The following CIT variants were observed in gnomAD, a reference collection of about 807,000 sequenced individuals.
The protein encoded by CIT is citron rho-interacting serine/threonine kinase.
CIT carries 79 observed loss-of-function variants against 272.7 expected under a neutral mutation model. The ratio of observed to expected loss-of-function variants is 0.29; its 90% CI spans 0.24 to 0.35. CIT has a LOEUF of 0.35. Among genes scored for constraint, CIT ranks in the 10% least tolerant of loss-of-function variants. CIT has a pLI of 1.00. For synonymous variants in CIT, 948 were observed against 995.6 expected (o/e 0.95, Z 0.90); for missense variants, 1,909 against 2,618.3 (o/e 0.73, Z 5.91).
rs1244056304 is a variant in CIT at position 119,710,022 on chromosome 12, G to C, written c.5071+229C>G. On this transcript the variant is annotated intron_variant, in intron 39 of 47. Coordinates refer to ENST00000392521, the MANE Select transcript of CIT (RefSeq NM_001206999.2). The surrounding 1 kb of genome is among the most constrained non-coding windows in gnomAD (Gnocchi z 5.6). ...TTAGCACTCTTCACTTGGCCTAACA[G>C]TGGGATGTTCTTTGGGAATGTCAGA... is the stretch of plus-strand genomic sequence containing the variant. 4.6e-5 allele frequency among the ~76,000 whole-genome samples: 7 copies of C among 152,156 alleles called. No homozygotes were observed.
At chr12:119,729,472 T>C (rs1315191576) in intron 27 of CIT, among the ~76,000 whole-genome samples, 1 of 152,222 alleles carries the variant, frequency 6.6e-6, no homozygotes, top group Non-Finnish European at 1.5e-5. Context: ...GGTACTTCCA[T>C]GCAATTTATT....
At position 119,713,360 on chromosome 12, in the gene CIT, G is replaced by A. The variant is rs985819534; in HGVS notation, c.4488-66C>T. On this transcript the variant is annotated intron_variant, in intron 34 of 47. Transcript: ENST00000392521. This position sits in a 1 kb window ranked among gnomAD's most constrained non-coding sequence, Gnocchi z 5.2. ...GAAGAAACATCCGGCTGGAGGATAGGATGAGGGGGTGGCAGAGTTCCTAGA... is the reference window on the plus strand; with the variant it reads ...GAAGAAACATCCGGCTGGAGGATAGAATGAGGGGGTGGCAGAGTTCCTAGA... 2 of 1,583,770 alleles carry A rather than the reference G, an allele frequency of 1.3e-6. No homozygotes were observed. Among genetic ancestry groups the A allele is most frequent in the Non-Finnish European group, 1.7e-6 (2 of 1,154,756 alleles).
chr12:119,702,265 C>T (rs556839731), intron 41 of CIT, among the ~76,000 whole-genome samples: 12 of 152,272 alleles, frequency 7.9e-5, no homozygotes, highest in Admixed American at 2.6e-4. Flanking sequence ...CCACTGCACA[C>T]GCCCCATTCA....
At chr12:119,800,349 C>G (rs1966087338) in intron 10 of CIT, among the ~76,000 whole-genome samples, 1 of 152,182 alleles carries the variant, frequency 6.6e-6, no homozygotes, top group African/African-American at 2.4e-5. Flanking sequence ...GCAAGGAACT[C>G]CCACTACGCC....
Position 119,710,879 on chromosome 12 carries a change from G to T in CIT, c.4855-259C>A. The T allele has an allele frequency of 1.6e-6, 1 of 621,348 alleles. No individual in the cohort carries two copies. Among genetic ancestry groups the T allele is most frequent in the Non-Finnish European group, 2.7e-6 (1 of 373,694 alleles). The allele number at this position is 621,348 out of a possible 1,614,324, so 38.5% of individuals were successfully genotyped here. ...GGCTGGGATGCAGAAATAAGGGAGG[G>T]TAGTAGACATGGAAAGCTATTCTGT... On this transcript the variant is annotated intron_variant, in intron 37 of 47. Coordinates refer to ENST00000392521, the MANE Select transcript of CIT (RefSeq NM_001206999.2). This position sits in a 1 kb window ranked among gnomAD's most constrained non-coding sequence, Gnocchi z 5.6.
chr12:119,771,162 G>A (rs973643183), intron 17 of CIT, among the ~76,000 whole-genome samples: 11 of 152,148 alleles, frequency 7.2e-5, no homozygotes, highest in African/African-American at 9.7e-5. Context: ...TAGGCATCAC[G>A]GAAAATACAG....
At chr12:119,862,808 T>TAAAGAAA (rs1950384498) in intron 3 of CIT, among the ~76,000 whole-genome samples, 1 of 10,252 alleles carries the variant, frequency 9.8e-5, no homozygotes, top group Non-Finnish European at 1.9e-4. Flanking sequence ...AGACTCTACC[T>TAAAGAAA]AAAAAAAAAA....
intron 39 of CIT, among the ~76,000 whole-genome samples, chr12:119,709,787 A>AGAGAGT (rs1319008959): frequency 1.9e-5 from 2 of 107,636 alleles, no homozygotes; most frequent in Non-Finnish European, 3.8e-5. Flanking sequence ...AGAGAGAGAG[A>AGAGAGT]GTGTGTGTGT....
At chr12:119,794,689 G>T (rs1415444380) in intron 10 of CIT, among the ~76,000 whole-genome samples, 1 of 152,234 alleles carries the variant, frequency 6.6e-6, no homozygotes, top group Non-Finnish European at 1.5e-5. Context: ...ACATCTGTCA[G>T]GCCCCCCACG....
At chr12:119,753,829 G>A (rs1162748133) in intron 22 of CIT, among the ~76,000 whole-genome samples, 1 of 152,140 alleles carries the variant, frequency 6.6e-6, no homozygotes, top group Non-Finnish European at 1.5e-5. Flanking sequence ...GAATAGGAGA[G>A]AAAGGGCCAG....
In CIT at chr12:119,710,962, T is replaced by C. The variant is rs866620558; in HGVS notation, c.4855-342A>G. On this transcript the variant is annotated intron_variant, in intron 37 of 47. Coordinates refer to ENST00000392521, the MANE Select transcript of CIT (RefSeq NM_001206999.2). The surrounding 1 kb of genome is among the most constrained non-coding windows in gnomAD (Gnocchi z 5.6). ...ACCTGCGCAGGGTTAATAAGACACATGAAAGACTCCTTCCCCCATAAGGCT... is the reference window on the plus strand; with the variant it reads ...ACCTGCGCAGGGTTAATAAGACACACGAAAGACTCCTTCCCCCATAAGGCT... 2 of 1,135,034 alleles carry C rather than the reference T, an allele frequency of 1.8e-6. No homozygotes were observed. The highest frequency in any genetic ancestry group is 2.5e-6 in the Non-Finnish European group (2 of 814,060). 70.3% of individuals were successfully genotyped at this position (1,135,034 alleles called of 1,614,324 possible).
At chr12:119,851,363 T>C (rs1687155356) in intron 4 of CIT, among the ~76,000 whole-genome samples, 1 of 151,970 alleles carries the variant, frequency 6.6e-6, no homozygotes, top group Non-Finnish European at 1.5e-5. Flanking sequence ...GGTCTGGGAG[T>C]AGTGACACAC....
intron 9 of CIT, among the ~76,000 whole-genome samples, chr12:119,813,417 T>A (rs1040592194): frequency 6.6e-6 from 1 of 152,230 alleles, no homozygotes; most frequent in African/African-American, 2.4e-5. Flanking sequence ...TCTCTTTTGA[T>A]TCCTGCCAAC....
At chr12:119,820,333 C>G (rs989606369) in intron 9 of CIT, among the ~76,000 whole-genome samples, 24 of 151,946 alleles carry the variant, frequency 1.6e-4, no homozygotes, top group African/African-American at 5.8e-4. Context: ...GGCAGATCAC[C>G]TGAGGTCAGG....
intron 13 of CIT, among the ~76,000 whole-genome samples, chr12:119,781,127 A>C (rs1236333740): frequency 6.6e-6 from 1 of 152,186 alleles, no homozygotes. Flanking sequence ...AGGATGAAAA[A>C]CTATGTTGAT....
At chr12:119,859,423 C>T (rs1478573073) in intron 3 of CIT, among the ~76,000 whole-genome samples, 2 of 152,170 alleles carry the variant, frequency 1.3e-5, no homozygotes, top group African/African-American at 2.4e-5. Flanking sequence ...GAGACAGACT[C>T]GGTCCATCAA....
rs1342153798 is a variant in CIT, at chr12:119,690,078, C to T, written c.6186+73G>A. 4.4e-6 allele frequency: 6 copies of T among 1,358,218 alleles called. No homozygotes were observed. The highest frequency in any genetic ancestry group is 2.8e-5 in the East Asian group (1 of 35,300). 84.1% of individuals were successfully genotyped at this position (1,358,218 alleles called of 1,614,324 possible). A position where few individuals can be genotyped will look rare whatever the true frequency, so the allele number is the denominator to read the frequency against. On this transcript the variant is annotated intron_variant, in intron 47 of 47. Coordinates refer to ENST00000392521, the MANE Select transcript of CIT (RefSeq NM_001206999.2). The surrounding 1 kb of genome is among the most constrained non-coding windows in gnomAD (Gnocchi z 6.0). The stretch of plus-strand genomic sequence containing the variant: ...TTCCTTTTTTAAACAACAGTGGCCC[C>T]GTGGGGGCCTCAGTTCCCCAAGTCA...
chr12:119,757,729 G>T (rs973115026), intron 21 of CIT, among the ~76,000 whole-genome samples, 184 bp from the exon 22 acceptor site: 1 of 152,070 alleles, frequency 6.6e-6, no homozygotes, highest in Non-Finnish European at 1.5e-5. Flanking sequence ...ACGAACGTGG[G>T]GACCATTTAC....
At chr12:119,819,613 T>C (rs928954497) in intron 9 of CIT, among the ~76,000 whole-genome samples, 1 of 152,218 alleles carries the variant, frequency 6.6e-6, no homozygotes, top group Non-Finnish European at 1.5e-5. Flanking sequence ...CAAAGGCTAA[T>C]GTTGCTTTTA....
Sources: allele counts gnomAD v4.1 joint callset (sites outside exome capture counted in the v4.1 genomes callset), GRCh38; gene constraint gnomAD v4.1.1; non-coding constraint Gnocchi (gnomAD v3.1); transcripts MANE v1.5; gene names NCBI Gene and HGNC (gene_info 2026-07-23, HGNC 2026-07-21).